ZBTB46: variants seen among roughly 807,000 people sequenced by gnomAD.
ZBTB46 encodes zinc finger and BTB domain containing 46.
ZBTB46 carries 8 observed loss-of-function variants against 44.1 expected under a neutral mutation model. The ratio of observed to expected loss-of-function variants is 0.18; its 90% confidence interval spans 0.11 to 0.33. ZBTB46 has a LOEUF of 0.33. Ranked by LOEUF, ZBTB46 falls within the 10% of genes least tolerant of loss-of-function variation. ZBTB46 has a pLI of 1.00. For synonymous variants in ZBTB46, 409 were observed against 382.3 expected (o/e 1.07, Z -0.81); for missense variants, 651 against 847.7 (o/e 0.77, Z 2.88).
chr20:63,831,388 G>GGCC (rs2092851360), upstream of ZBTB46: 2 of 141,840 alleles, frequency 1.4e-5, no homozygotes, highest in Non-Finnish European at 3.1e-5. Flanking sequence ...CCGCGCCCCG[G>GGCC]CCGCGGCCAC....
At chr20:63,823,577 T>C (rs1432183872) in intron 1 of ZBTB46, among the ~76,000 whole-genome samples, 1 of 151,942 alleles carries the variant, frequency 6.6e-6, no homozygotes. Flanking sequence ...GGTGCGTGCT[T>C]GTAGTCCCAG....
chr20:63,800,770 C>T (rs1319463804), intron 1 of ZBTB46, among the ~76,000 whole-genome samples: 2 of 152,242 alleles, frequency 1.3e-5, no homozygotes, highest in Non-Finnish European at 1.5e-5. Context: ...TAGCTGCCTC[C>T]CCTCAGGGCA....
At chr20:63,786,797 A>G (rs1044686426) in intron 2 of ZBTB46, among the ~76,000 whole-genome samples, 3 of 152,082 alleles carry the variant, frequency 2.0e-5, no homozygotes, top group Admixed American at 6.5e-5. Flanking sequence ...GGCGTGAGCC[A>G]CCCCGCCCGG....
chr20:63,813,167 G>T (rs1285939023), intron 1 of ZBTB46, among the ~76,000 whole-genome samples: 1 of 151,982 alleles, frequency 6.6e-6, no homozygotes, highest in South Asian at 2.1e-4. Context: ...ATTAAGTTGG[G>T]GCCAGGCACG....
At chr20:63,818,715 G>A (rs549606864) in intron 1 of ZBTB46, among the ~76,000 whole-genome samples, 208 of 151,628 alleles carry the variant, frequency 1.4e-3, no homozygotes, top group African/African-American at 4.8e-3. Flanking sequence ...AAAATTAGCC[G>A]GGCATGGTGG....
At chr20:63,763,676 T>C (rs2092295551) in intron 3 of ZBTB46, among the ~76,000 whole-genome samples, 1 of 152,128 alleles carries the variant, frequency 6.6e-6, no homozygotes, top group Non-Finnish European at 1.5e-5. Flanking sequence ...CAGTTCAACA[T>C]GAGATTTGGG....
At chr20:63,806,998 A>G (rs2092685803) in intron 1 of ZBTB46, among the ~76,000 whole-genome samples, 1 of 152,004 alleles carries the variant, frequency 6.6e-6, no homozygotes. Flanking sequence ...TAGCCAGGAT[A>G]GTCGCGATCT....
In ZBTB46 at chr20:63,747,107, G is replaced by A. The variant is rs199936901; in HGVS notation, c.1593C>T (p.Asp531=). 1.3e-4 allele frequency: 213 copies of A among 1,609,764 alleles called. 1 individual carries two copies. The highest frequency in any genetic ancestry group is 1.5e-4 in the Non-Finnish European group (177 of 1,179,526). The change falls in exon 5 of 5, where the codon GAC becomes GAT. Residue 531 remains aspartate, a synonymous_variant. Transcript: ENST00000245663. ...EGSPEALFPG[D]GPYLEDPEDP... ...CCTCAGGGTCCTCCAGATAGGGCCCGTCGCCTGGGAACAGCGCCTCTGGAG... is the reference window on the plus strand; with the variant it reads ...CCTCAGGGTCCTCCAGATAGGGCCCATCGCCTGGGAACAGCGCCTCTGGAG...
chr20:63,771,250 C>T (rs1478200887), intron 3 of ZBTB46, among the ~76,000 whole-genome samples: 6 of 151,838 alleles, frequency 4.0e-5, no homozygotes, highest in African/African-American at 1.2e-4. Context: ...GGCTCAGGGG[C>T]GCATTTCCAG....
In ZBTB46 at chr20:63,767,624, C is replaced by T. The variant is rs976499480; in HGVS notation, c.1222+8054G>A. Among the ~76,000 whole-genome samples, 3 of 152,360 alleles carry T rather than the reference C, an allele frequency of 2.0e-5. No homozygotes were observed. The highest frequency in any genetic ancestry group is 3.9e-4 in the East Asian group (2 of 5,188). ...GCCGCAGCACTGAGGTCAAAGCAAA[C>T]GCCGGCTCCAGCGCACAGACCAGAG... is the stretch of plus-strand genomic sequence containing the variant. On this transcript the variant is annotated intron_variant, in intron 3 of 4. Coordinates refer to ENST00000245663, the MANE Select transcript of ZBTB46 (RefSeq NM_001369741.1). This position sits in a 1 kb window ranked among gnomAD's most constrained non-coding sequence, Gnocchi z 5.0.
intron 1 of ZBTB46, among the ~76,000 whole-genome samples, chr20:63,794,189 CAA>C (rs574998605): frequency 1.0e-4 from 11 of 108,596 alleles, no homozygotes; most frequent in Admixed American, 9.9e-5. Context: ...GACTCCGTCT[CAA>C]AAAAAAAAAA....
At chr20:63,820,994 A>G (rs6011160) in intron 1 of ZBTB46, among the ~76,000 whole-genome samples, 27,910 of 149,990 alleles carry the variant, frequency 0.19, 3,152 homozygotes, top group East Asian at 0.47. Flanking sequence ...CCAGGTTCAA[A>G]AGATTCTCCT....
chr20:63,787,158 G>A lies in ZBTB46; in HGVS notation c.937+2663C>T, dbSNP rs73323340. ...AAGTTGTGATCGCAGAACTTCATGC[G>A]CCACAGAAGGGCATTTTGGTCAGGG... On this transcript the variant is annotated intron_variant, in intron 2 of 4. Coordinates refer to ENST00000245663, the MANE Select transcript of ZBTB46 (RefSeq NM_001369741.1). This position sits in a 1 kb window ranked among gnomAD's most constrained non-coding sequence, Gnocchi z 4.6. Among the ~76,000 whole-genome samples, 2,305 of 152,240 alleles carry A rather than the reference G, an allele frequency of 0.015. 62 individuals carry two copies. The highest frequency in any genetic ancestry group is 0.053 in the African/African-American group (2,183 of 41,538).
rs2092325835 is a variant in ZBTB46, at chr20:63,767,005, ACCAAGT to A, written c.1222+8667_1222+8672del. 1.3e-5 allele frequency among the ~76,000 whole-genome samples: 2 copies of A among 152,160 alleles called. No homozygotes were observed. Among genetic ancestry groups the A allele is most frequent in the South Asian group, 2.1e-4 (1 of 4,826 alleles). On this transcript the variant is annotated intron_variant, in intron 3 of 4. Transcript: ENST00000245663. The surrounding 1 kb of genome is among the most constrained non-coding windows in gnomAD (Gnocchi z 5.0). ...CTGCTGCTCTGGGTCCCTGGAGCCC[ACCAAGT>A]CCACAACCACCTGCTCTGAATAGAA... is the stretch of plus-strand genomic sequence containing the variant.
chr20:63,826,792 T>C (rs1325825905), intron 1 of ZBTB46, among the ~76,000 whole-genome samples: 1 of 152,192 alleles, frequency 6.6e-6, no homozygotes, highest in Non-Finnish European at 1.5e-5. Context: ...AGGCATTATG[T>C]GTGCTGAACC....
intron 2 of ZBTB46, among the ~76,000 whole-genome samples, chr20:63,777,470 A>C (rs2092435307): frequency 6.6e-6 from 1 of 152,110 alleles, no homozygotes; most frequent in Non-Finnish European, 1.5e-5. Flanking sequence ...CTATCTCAAA[A>C]ACAACAACAA....
At chr20:63,749,957 TG>T (rs1177603104) in intron 4 of ZBTB46, among the ~76,000 whole-genome samples, 2 of 152,242 alleles carry the variant, frequency 1.3e-5, no homozygotes, top group African/African-American at 4.8e-5. Flanking sequence ...GCCCAGGCTC[TG>T]GGGCACTGTG....
At chr20:63,771,506 G>T (rs1028233500) in intron 3 of ZBTB46, among the ~76,000 whole-genome samples, 2 of 152,136 alleles carry the variant, frequency 1.3e-5, no homozygotes, top group African/African-American at 4.8e-5. Context: ...GTCAGACCCC[G>T]GGGCTCAGTT....
intron 2 of ZBTB46, among the ~76,000 whole-genome samples, chr20:63,778,571 T>A (rs899731915): frequency 6.6e-5 from 10 of 152,192 alleles, no homozygotes; most frequent in African/African-American, 2.4e-4. Context: ...GTGTGGCAGG[T>A]GGGCAGGGCC....
Sources: gnomAD v4.1 joint callset for allele counts (sites outside exome capture counted in the v4.1 genomes callset) on GRCh38, gnomAD v4.1.1 for gene constraint, Gnocchi (gnomAD v3.1) non-coding constraint, MANE v1.5 for transcripts, NCBI Gene and HGNC (gene_info 2026-07-23, HGNC 2026-07-21) for gene names.